The following URB1 variants were observed in gnomAD, a reference collection of about 807,000 sequenced individuals.
The protein encoded by URB1 is URB1 ribosome biogenesis factor.
Under a neutral mutation model 242.3 loss-of-function variants are expected in URB1, and 197 were observed. The ratio of observed to expected loss-of-function variants is 0.81; its 90% confidence interval spans 0.72 to 0.91. URB1 has a LOEUF of 0.91. Among genes scored for constraint, URB1 ranks in the 40% least tolerant of loss-of-function variants. The pLI is 0.00. For missense variants in URB1, 2,721 were observed against 2,860.5 expected (o/e 0.95, Z 1.11); for synonymous variants, 1,153 against 1,201.8 (o/e 0.96, Z 0.84).
intron 8 of URB1, among the ~76,000 whole-genome samples, chr21:32,371,447 C>T (rs1269391947): frequency 2.0e-5 from 3 of 152,082 alleles, no homozygotes; most frequent in Non-Finnish European, 2.9e-5. Flanking sequence ...ATATTCTATT[C>T]GACTATAAAA....
At position 32,384,545 on chromosome 21, in the gene URB1, A is replaced by G. The variant is rs1357781488; in HGVS notation, c.283-81T>C. The G allele has an allele frequency of 1.4e-5, 21 of 1,482,644 alleles. 1 individual carries two copies. Among genetic ancestry groups the G allele is most frequent in the South Asian group, 5.3e-5 (4 of 75,388 alleles). The allele number at this position is 1,482,644 out of a possible 1,614,324, so 91.8% of individuals were successfully genotyped here. A position where few individuals can be genotyped will look rare whatever the true frequency, so the allele number is the denominator to read the frequency against. ...CATATATGCTCCTTTTGTCTTAGCCATAGTTACTTGTAGGCTTAAAGCCTT... is the reference window on the plus strand; with the variant it reads ...CATATATGCTCCTTTTGTCTTAGCCGTAGTTACTTGTAGGCTTAAAGCCTT... On this transcript the variant is annotated intron_variant, in intron 2 of 38. Coordinates refer to ENST00000382751, the MANE Select transcript of URB1 (RefSeq NM_014825.3).
intron 25 of URB1, among the ~76,000 whole-genome samples, chr21:32,340,689 C>T (rs1351556873): frequency 6.6e-6 from 1 of 152,140 alleles, no homozygotes; most frequent in African/African-American, 2.4e-5. Context: ...TGCACCCACA[C>T]TAAAAGCTAG....
chr21:32,314,763 C>A lies in URB1; in HGVS notation c.*155G>T. 7.0e-7 allele frequency: 1 copy of A among 1,427,624 alleles called. No individual in the cohort carries two copies. Among genetic ancestry groups the A allele is most frequent in the East Asian group, 2.4e-5 (1 of 41,086 alleles). 88.4% of individuals were successfully genotyped at this position (1,427,624 alleles called of 1,614,324 possible). A position where few individuals can be genotyped will look rare whatever the true frequency, so the allele number is the denominator to read the frequency against. On this transcript the variant is annotated 3_prime_UTR_variant, in exon 39 of 39. Coordinates refer to ENST00000382751, the MANE Select transcript of URB1 (RefSeq NM_014825.3). Reference sequence around the variant, plus strand: ...CATTTACTGGGCAGTTCAATAAAGTCCTCTCAACTTTTCTTGTCAAAGAAC... The same window carrying A: ...CATTTACTGGGCAGTTCAATAAAGTACTCTCAACTTTTCTTGTCAAAGAAC...
intron 37 of URB1, 129 bp from the exon 38 acceptor site, chr21:32,317,194 C>T: frequency 7.7e-7 from 1 of 1,299,974 alleles, no homozygotes; most frequent in Non-Finnish European, 1.0e-6. Flanking sequence ...GCCCTGCTCC[C>T]ACGTCAGGAG....
intron 30 of URB1, among the ~76,000 whole-genome samples, chr21:32,331,432 T>C (rs2032891485): frequency 6.6e-6 from 1 of 152,180 alleles, no homozygotes; most frequent in African/African-American, 2.4e-5. Flanking sequence ...TCCTATCAAG[T>C]AGAACTAAAA....
chr21:32,371,910 T>A (rs1218013480), intron 8 of URB1, among the ~76,000 whole-genome samples: 1 of 152,162 alleles, frequency 6.6e-6, no homozygotes, highest in Non-Finnish European at 1.5e-5. Context: ...GAACTTAATA[T>A]GTTTCCTTAC....
In URB1 at chr21:32,315,061, T is replaced by A. The variant is rs769131819; in HGVS notation, c.6673A>T (p.Ile2225Phe). The A allele has an allele frequency of 1.4e-5, 22 of 1,546,558 alleles. No homozygotes were observed. The highest frequency in any genetic ancestry group is 1.8e-5 in the Non-Finnish European group (21 of 1,143,444). The change falls in exon 39 of 39, where the codon ATC (isoleucine) becomes TTC (phenylalanine). Residue 2225 changes from isoleucine (I) to phenylalanine (F), a missense_variant. Transcript: ENST00000382751. Reference protein sequence around the residue: ...AFLVSLYIKDIWLGAQRPDTL... With the variant: ...AFLVSLYIKDFWLGAQRPDTL... ...TCCGGCCGCTGAGCCCCCAGCCAGATGTCCTTTATGTAGAGAGACACTAGG... is the reference window on the plus strand; with the variant it reads ...TCCGGCCGCTGAGCCCCCAGCCAGAAGTCCTTTATGTAGAGAGACACTAGG...
chr21:32,378,711 A>G (rs2033487924), intron 4 of URB1, among the ~76,000 whole-genome samples, 170 bp from the exon 5 acceptor site: 1 of 152,190 alleles, frequency 6.6e-6, no homozygotes, highest in Admixed American at 6.5e-5. Context: ...TTCTCCATGG[A>G]AAGTAAAAAA....
Position 32,314,642 on chromosome 21 carries a change from G to T in URB1, c.*276C>A. On this transcript the variant is annotated 3_prime_UTR_variant, in exon 39 of 39. Transcript: ENST00000382751. ...TGAGCTCCAAGCCCCTAGAGAGGAA[G>T]GGGCGGCCTGACGAGGCACTGGATG... 2 of 1,614,214 alleles carry T rather than the reference G, an allele frequency of 1.2e-6. No homozygotes were observed. Among genetic ancestry groups the T allele is most frequent in the Non-Finnish European group, 1.7e-6 (2 of 1,180,022 alleles).
intron 2 of URB1, among the ~76,000 whole-genome samples, chr21:32,384,912 C>T (rs1475949408): frequency 2.6e-5 from 4 of 152,182 alleles, no homozygotes; most frequent in East Asian, 1.9e-4. Context: ...ACCCAGGATG[C>T]GGAGCTTGCA....
At chr21:32,324,455 T>C in intron 32 of URB1, 36 bp downstream of exon 32, 3 of 1,514,430 alleles carry the variant, frequency 2.0e-6, no homozygotes, top group Non-Finnish European at 9.0e-7. Flanking sequence ...GCTTCAGCTT[T>C]TCAATTTCCC....
intron 17 of URB1, 34 bp from the exon 18 acceptor site, chr21:32,354,137 A>G: frequency 6.4e-7 from 1 of 1,550,472 alleles, no homozygotes. Flanking sequence ...AGCTGATGTG[A>G]GAGCCACTGA....
chr21:32,391,867 A>AC (rs2033642485), intron 1 of URB1, among the ~76,000 whole-genome samples: 1 of 151,736 alleles, frequency 6.6e-6, no homozygotes, highest in African/African-American at 2.4e-5. Context: ...AAAAAAAAAA[A>AC]AAAAAACATA....
In URB1 at chr21:32,392,954, G is replaced by T. The variant is rs561542255; in HGVS notation, c.-44C>A. 4.8e-6 allele frequency: 7 copies of T among 1,454,510 alleles called. No homozygotes were observed. The highest frequency in any genetic ancestry group is 5.2e-5 in the East Asian group (2 of 38,450). 90.1% of individuals were successfully genotyped at this position (1,454,510 alleles called of 1,614,324 possible). A position where few individuals can be genotyped will look rare whatever the true frequency, so the allele number is the denominator to read the frequency against. ...GCGACGGAAACGACACACCTGAGGG[G>T]ACCCGGCAGGAGCACTGGCACAGAC... is the stretch of plus-strand genomic sequence containing the variant. On this transcript the variant is annotated 5_prime_UTR_variant, in exon 1 of 39. Coordinates refer to ENST00000382751, the MANE Select transcript of URB1 (RefSeq NM_014825.3).
intron 32 of URB1, among the ~76,000 whole-genome samples, chr21:32,323,043 C>T (rs1179697931): frequency 2.6e-5 from 4 of 152,180 alleles, no homozygotes; most frequent in African/African-American, 7.2e-5. Context: ...CAGAGGGCAA[C>T]GGACACCCTA....
chr21:32,355,988 G>A (rs1222855867), intron 15 of URB1, among the ~76,000 whole-genome samples: 1 of 152,204 alleles, frequency 6.6e-6, no homozygotes, highest in Admixed American at 6.5e-5. Flanking sequence ...CACGCAGGGG[G>A]TGAAAGTTTC....
rs143614828 is a variant in URB1, at chr21:32,376,126, C to T, written c.665-643G>A. Among the ~76,000 whole-genome samples the T allele has an allele frequency of 1.2e-3, 190 of 152,262 alleles. 2 individuals are homozygous for T. The highest frequency in any genetic ancestry group is 4.2e-3 in the African/African-American group (176 of 41,542). On this transcript the variant is annotated intron_variant, in intron 5 of 38. Coordinates refer to ENST00000382751, the MANE Select transcript of URB1 (RefSeq NM_014825.3). ...TAAATACTATTTGAAAGAGAATGTA[C>T]GGTATAACAAACTAATACAATTTCT...
chr21:32,344,379 T>C (rs2033062274), intron 24 of URB1, among the ~76,000 whole-genome samples, 191 bp downstream of exon 24: 1 of 152,198 alleles, frequency 6.6e-6, no homozygotes, highest in Admixed American at 6.5e-5. Flanking sequence ...CAAACATCCA[T>C]TCCTGATAAA....
chr21:32,372,961 T>C (rs1467903629), intron 7 of URB1, among the ~76,000 whole-genome samples: 2 of 152,202 alleles, frequency 1.3e-5, no homozygotes, highest in Non-Finnish European at 2.9e-5. Flanking sequence ...TACAAAAACA[T>C]GTTCAAAACA....
Sources: gnomAD v4.1 joint callset for allele counts (sites outside exome capture counted in the v4.1 genomes callset) on GRCh38, gnomAD v4.1.1 for gene constraint, MANE v1.5 for transcripts, NCBI Gene and HGNC (gene_info 2026-07-23, HGNC 2026-07-21) for gene names.